Variants in HNRNPR observed in about 807,000 individuals in gnomAD.
HNRNPR encodes heterogeneous nuclear ribonucleoprotein R.
In HNRNPR, 4 loss-of-function variants were observed where a neutral mutation model predicts 70.3. That is an observed-to-expected ratio of 0.06 (90% CI 0.03 to 0.13). The LOEUF (loss-of-function observed/expected upper bound fraction) is 0.13. Among genes scored for constraint, HNRNPR ranks in the 10% least tolerant of loss-of-function variants. HNRNPR has a pLI of 1.00. For synonymous variants in HNRNPR, 241 were observed against 267.6 expected (o/e 0.90, Z 0.97); for missense variants, 423 against 788.5 (o/e 0.54, Z 5.55).
intron 8 of HNRNPR, among the ~76,000 whole-genome samples, chr1:23,315,274 C>T (rs1259841250): frequency 7.9e-6 from 1 of 126,374 alleles, no homozygotes; most frequent in East Asian, 2.1e-4. Flanking sequence ...AGCAAGGCTC[C>T]GTCTCAAAAA....
At chr1:23,339,426 T>C (rs1211665966) in intron 2 of HNRNPR, among the ~76,000 whole-genome samples, 1 of 152,242 alleles carries the variant, frequency 6.6e-6, no homozygotes, top group Non-Finnish European at 1.5e-5. Context: ...GCATTTCATA[T>C]ATGTAAGTAT....
intron 5 of HNRNPR, among the ~76,000 whole-genome samples, chr1:23,328,776 A>AG (rs1311130888): frequency 6.6e-6 from 1 of 152,170 alleles, no homozygotes; most frequent in African/African-American, 2.4e-5. Context: ...TTGGGATTAC[A>AG]GGCGTGAGCC....
At chr1:23,334,077 C>T (rs1027137111) in intron 4 of HNRNPR, among the ~76,000 whole-genome samples, 2 of 151,978 alleles carry the variant, frequency 1.3e-5, no homozygotes, top group African/African-American at 4.8e-5. Flanking sequence ...CCACGCCCAG[C>T]TAATTTTTGT....
chr1:23,313,409 T>C, intron 9 of HNRNPR, 144 bp downstream of exon 9: 1 of 607,000 alleles, frequency 1.6e-6, no homozygotes, highest in Non-Finnish European at 2.9e-6. Context: ...TGTTACATAC[T>C]ATTACCACTT....
chr1:23,333,385 G>C, intron 5 of HNRNPR, 133 bp downstream of exon 5: 1 of 575,316 alleles, frequency 1.7e-6, no homozygotes, highest in East Asian at 2.8e-5. Flanking sequence ...AATACAAATG[G>C]ATATCTAAAA....
intron 5 of HNRNPR, among the ~76,000 whole-genome samples, chr1:23,324,383 A>G (rs1287620065): frequency 6.6e-6 from 1 of 152,032 alleles, no homozygotes; most frequent in African/African-American, 2.4e-5. Flanking sequence ...CCTGGCTAAC[A>G]TGGTGAAACC....
intron 8 of HNRNPR, among the ~76,000 whole-genome samples, chr1:23,314,931 C>A (rs990468483): frequency 2.0e-5 from 3 of 152,136 alleles, no homozygotes; most frequent in African/African-American, 7.2e-5. Flanking sequence ...CAATATCCAG[C>A]TGGTTAAATA....
At chr1:23,340,666 C>T (rs1646676206) in intron 2 of HNRNPR, among the ~76,000 whole-genome samples, 186 bp downstream of exon 2, 1 of 152,136 alleles carries the variant, frequency 6.6e-6, no homozygotes, top group Admixed American at 6.5e-5. Context: ...ACTAAGAAGG[C>T]TTCAAAATAA....
At chr1:23,316,556 CCT>C (rs1376287493) in intron 8 of HNRNPR, among the ~76,000 whole-genome samples, 1 of 152,020 alleles carries the variant, frequency 6.6e-6, no homozygotes, top group Non-Finnish European at 1.5e-5. Flanking sequence ...GGATTTTATT[CCT>C]CTTTTATAAT....
At chr1:23,334,793 C>T (rs531166132) in intron 4 of HNRNPR, among the ~76,000 whole-genome samples, 1 of 152,306 alleles carries the variant, frequency 6.6e-6, no homozygotes, top group African/African-American at 2.4e-5. Flanking sequence ...AGATAATCTC[C>T]TTGCTCTCAG....
rs770862499 is a variant in HNRNPR at position 23,310,882 on chromosome 1, C to T, written c.1474G>A (p.Gly492Ser). Residue 492 changes from glycine to serine, a missense_variant, in exon 11 of 11, where the codon GGC becomes AGC. Coordinates refer to ENST00000302271, the MANE Select transcript of HNRNPR (RefSeq NM_005826.5). This position sits in a 1 kb window ranked among gnomAD's most constrained non-coding sequence, Gnocchi z 6.0. ...YRGGYEDPYY[G>S]YDDGYAVRGR... ...CTTACTGCATAGCCATCATCATAGC[C>T]GTAGTAGGGATCTTCATAGCCTCCA... 96 of 1,613,952 alleles carry T rather than the reference C, an allele frequency of 5.9e-5. 1 individual carries two copies. The highest frequency in any genetic ancestry group is 1.6e-4 in the Middle Eastern group (1 of 6,084).
rs756205922 is a variant in HNRNPR at position 23,310,428 on chromosome 1, A to G, written c.*26T>C. 1 of 1,541,294 alleles carries G rather than the reference A, an allele frequency of 6.5e-7. No individual in the cohort carries two copies. Among genetic ancestry groups the G allele is most frequent in the Admixed American group, 2.0e-5 (1 of 49,646 alleles). ...GATCTAGAGCCAATCGTATCTTGCC[A>G]GTATCATTTTCAAGCCCTTACTTGT... On this transcript the variant is annotated 3_prime_UTR_variant, in exon 11 of 11. Coordinates refer to ENST00000302271, the MANE Select transcript of HNRNPR (RefSeq NM_005826.5). This position sits in a 1 kb window ranked among gnomAD's most constrained non-coding sequence, Gnocchi z 6.0.
chr1:23,309,708 T>C lies in HNRNPR; in HGVS notation c.*746A>G, dbSNP rs1304318231. 1 of 152,624 alleles carries C rather than the reference T, an allele frequency of 6.6e-6. No homozygotes were observed. The highest frequency in any genetic ancestry group is 1.9e-4 in the East Asian group (1 of 5,204). The allele number at this position is 152,624 out of a possible 1,614,324, so 9.5% of individuals were successfully genotyped here. On this transcript the variant is annotated 3_prime_UTR_variant, in exon 11 of 11. Coordinates refer to ENST00000302271, the MANE Select transcript of HNRNPR (RefSeq NM_005826.5). ...ATTTGATCACTCACATAGGCAGTTA[T>C]ACTTTGAAAACAATATTCCTTGCAA... is the stretch of plus-strand genomic sequence containing the variant.
chr1:23,325,516 A>C (rs975116086), intron 5 of HNRNPR, among the ~76,000 whole-genome samples: 25 of 152,294 alleles, frequency 1.6e-4, no homozygotes, highest in Non-Finnish European at 3.1e-4. Flanking sequence ...TAAGGTCCCC[A>C]ATCCTCATTC....
intron 5 of HNRNPR, among the ~76,000 whole-genome samples, chr1:23,332,263 T>C (rs1646264967): frequency 6.6e-6 from 1 of 152,202 alleles, no homozygotes; most frequent in South Asian, 2.1e-4. Flanking sequence ...TGGACTAACA[T>C]ACTCAATCTT....
intron 5 of HNRNPR, among the ~76,000 whole-genome samples, chr1:23,327,363 G>A (rs1018860654): frequency 6.6e-6 from 1 of 152,156 alleles, no homozygotes; most frequent in African/African-American, 2.4e-5. Context: ...CATTCATGAA[G>A]TTTATATTCT....
intron 1 of HNRNPR, among the ~76,000 whole-genome samples, chr1:23,343,269 C>CT (rs1489846649): frequency 1.3e-5 from 2 of 152,164 alleles, no homozygotes; most frequent in Non-Finnish European, 2.9e-5. Flanking sequence ...TCCTCCCTGA[C>CT]TTTTTCTGAA....
chr1:23,323,829 A>T (rs1557869266), intron 5 of HNRNPR, 97 bp from the exon 6 acceptor site: 16 of 917,338 alleles, frequency 1.7e-5, no homozygotes, highest in Non-Finnish European at 2.6e-5. Flanking sequence ...GGGCAGAAGA[A>T]GATGGTTAAG....
intron 5 of HNRNPR, among the ~76,000 whole-genome samples, chr1:23,333,168 G>A (rs982036284): frequency 1.3e-4 from 20 of 152,194 alleles, no homozygotes; most frequent in Non-Finnish European, 2.4e-4. Flanking sequence ...GACAACAAGA[G>A]CGAAACTCCA....
Sources: allele counts gnomAD v4.1 joint callset (sites outside exome capture counted in the v4.1 genomes callset), GRCh38; gene constraint gnomAD v4.1.1; non-coding constraint Gnocchi (gnomAD v3.1); transcripts MANE v1.5; gene names NCBI Gene and HGNC (gene_info 2026-07-23, HGNC 2026-07-21).